NEGR1: variants seen among roughly 807,000 people sequenced by gnomAD.
NEGR1 encodes the protein IgLON family member 4.
NEGR1 carries 10 observed loss-of-function variants against 40.9 expected under a neutral mutation model. That is an observed-to-expected ratio of 0.24 (90% CI 0.15 to 0.42). The LOEUF (loss-of-function observed/expected upper bound fraction) is 0.42, where lower values mean the gene tolerates loss of function less well. Ranked by LOEUF, NEGR1 falls within the 10% of genes least tolerant of loss-of-function variation. The probability of loss-of-function intolerance (pLI) is 1.00; values close to 1 mark genes in which losing one functional copy is unlikely to be tolerated. For missense variants in NEGR1, 352 were observed against 438.9 expected, an observed-to-expected ratio of 0.80 and a Z score of 1.77; for synonymous variants, 185 against 166.8, an observed-to-expected ratio of 1.11 and a Z score of -0.84.
intron 3 of NEGR1, among the ~76,000 whole-genome samples, chr1:71,751,363 A>G (rs1271418636): frequency 2.0e-5 from 3 of 152,210 alleles, no homozygotes; most frequent in Non-Finnish European, 2.9e-5. Flanking sequence ...CTTCAAGAAA[A>G]GTATTTGACT....
At chr1:71,438,443 T>C (rs1477027994) in intron 6 of NEGR1, among the ~76,000 whole-genome samples, 1 of 152,206 alleles carries the variant, frequency 6.6e-6, no homozygotes, top group African/African-American at 2.4e-5. Flanking sequence ...CTCTGCATAA[T>C]AATAAGCTCT....
chr1:71,948,743 T>C (rs992813183), intron 1 of NEGR1, among the ~76,000 whole-genome samples: 10 of 152,076 alleles, frequency 6.6e-5, no homozygotes, highest in Non-Finnish European at 1.3e-4. Flanking sequence ...GCTGGACCTG[T>C]CATATCTCAC....
intron 2 of NEGR1, among the ~76,000 whole-genome samples, chr1:71,926,552 C>T (rs1645774869): frequency 6.6e-6 from 1 of 151,660 alleles, no homozygotes; most frequent in Non-Finnish European, 1.5e-5. Context: ...CAATAGTGCT[C>T]CTCCTTTCTG....
intron 1 of NEGR1, among the ~76,000 whole-genome samples, chr1:72,112,267 A>T (rs67474621): frequency 0.56 from 62,375 of 111,850 alleles, 14,211 homozygotes; most frequent in East Asian, 0.65. Flanking sequence ...TTTTACGTTT[A>T]AAAAAAAAAT....
At chr1:71,761,428 C>G (rs1285819642) in intron 3 of NEGR1, among the ~76,000 whole-genome samples, 1 of 152,136 alleles carries the variant, frequency 6.6e-6, no homozygotes, top group East Asian at 1.9e-4. Context: ...TCCGTTTATC[C>G]TGAAGTAAAT....
intron 6 of NEGR1, among the ~76,000 whole-genome samples, chr1:71,546,657 T>C (rs1647907290): frequency 6.6e-6 from 1 of 151,654 alleles, no homozygotes; most frequent in African/African-American, 2.4e-5. Flanking sequence ...ACTAGGCATA[T>C]GGAAACTGAG....
rs531277326 is a variant in NEGR1, at chr1:71,759,337, G to A, written c.535+16835C>T. ...TTTTGAGACATAGTCTCACTTTGTC[G>A]CCCAGGCTGGAGTGCAGTGGCACGA... On this transcript the variant is annotated intron_variant, in intron 3 of 6. Transcript: ENST00000357731. Among the ~76,000 whole-genome samples the A allele has an allele frequency of 4.8e-5, 5 of 104,850 alleles. No individual in the cohort carries two copies. The South Asian group carries it at 9.0e-4, about 19-fold the overall frequency. 68.8% of individuals were successfully genotyped at this position (104,850 alleles called of 152,430 possible).
intron 1 of NEGR1, among the ~76,000 whole-genome samples, chr1:72,067,897 G>A (rs1033548446): frequency 1.3e-5 from 2 of 152,030 alleles, no homozygotes; most frequent in Non-Finnish European, 1.5e-5. Flanking sequence ...TTTCCAACTG[G>A]AATGTACCAA....
chr1:71,984,737 A>T (rs1306731045), intron 1 of NEGR1, among the ~76,000 whole-genome samples: 1 of 152,158 alleles, frequency 6.6e-6, no homozygotes, highest in Non-Finnish European at 1.5e-5. Flanking sequence ...TAAATATCTT[A>T]ATATTATTTT....
At chr1:71,837,851 A>T (rs1246452098) in intron 2 of NEGR1, among the ~76,000 whole-genome samples, 6 of 152,142 alleles carry the variant, frequency 3.9e-5, no homozygotes, top group Admixed American at 3.9e-4. Flanking sequence ...ATACTAAAAT[A>T]TATAATCTAG....
intron 6 of NEGR1, among the ~76,000 whole-genome samples, chr1:71,579,490 G>GC (rs1649062357): frequency 6.6e-6 from 1 of 152,112 alleles, no homozygotes; most frequent in African/African-American, 2.4e-5. Context: ...TCCCAAGCAT[G>GC]CAGTCTACAA....
intron 1 of NEGR1, among the ~76,000 whole-genome samples, chr1:71,972,485 T>G (rs1448013664): frequency 2.0e-5 from 3 of 152,214 alleles, no homozygotes. Context: ...CATTTTATAT[T>G]ACCTTAGGAA....
intron 1 of NEGR1, among the ~76,000 whole-genome samples, chr1:72,193,904 C>A (rs749112839): frequency 1.3e-5 from 2 of 151,674 alleles, no homozygotes; most frequent in Non-Finnish European, 2.9e-5. Context: ...CAAGGTTTCA[C>A]ATTCATAGTA....
At position 71,584,158 on chromosome 1, in the gene NEGR1, C is replaced by T. The variant is rs1183189379; in HGVS notation, c.940+8659G>A. Among the ~76,000 whole-genome samples the T allele has an allele frequency of 2.6e-5, 4 of 152,200 alleles. No homozygotes were observed. The East Asian group carries it at 7.7e-4, about 29-fold the overall frequency. On this transcript the variant is annotated intron_variant, in intron 6 of 6. Coordinates refer to ENST00000357731, the MANE Select transcript of NEGR1 (RefSeq NM_173808.3). ...AATTTGTATCTCTGCAGAGAAATCC[C>T]AATTGAATTACATTTATAAAGAAAG...
At chr1:71,885,855 G>T (rs973043379) in intron 2 of NEGR1, among the ~76,000 whole-genome samples, 3 of 151,910 alleles carry the variant, frequency 2.0e-5, no homozygotes, top group Admixed American at 6.6e-5. Flanking sequence ...CAAAACAAAT[G>T]GCGTATTAAT....
chr1:72,034,077 T>C (rs1367475502), intron 1 of NEGR1, among the ~76,000 whole-genome samples: 2 of 152,238 alleles, frequency 1.3e-5, no homozygotes, highest in Admixed American at 6.5e-5. Flanking sequence ...CTGACTGTTT[T>C]CTTGTATTCT....
At chr1:71,793,121 GTAGAA>G (rs1355491161) in intron 2 of NEGR1, among the ~76,000 whole-genome samples, 1 of 145,604 alleles carries the variant, frequency 6.9e-6, no homozygotes, top group African/African-American at 2.5e-5. Flanking sequence ...TAAATGAAAA[GTAGAA>G]TAGAACTAGT....
intron 4 of NEGR1, among the ~76,000 whole-genome samples, chr1:71,693,410 T>A (rs1303413236): frequency 2.0e-5 from 3 of 151,684 alleles, no homozygotes; most frequent in Non-Finnish European, 4.4e-5. Flanking sequence ...CACCTTTTTA[T>A]GGACCAGGTA....
rs929155791 is a variant in NEGR1 at position 72,089,965 on chromosome 1, G to A, written c.177-154654C>T. 5.9e-5 allele frequency among the ~76,000 whole-genome samples: 9 copies of A among 152,118 alleles called. No homozygotes were observed. The South Asian group carries it at 1.5e-3, about 25-fold the overall frequency. On this transcript the variant is annotated intron_variant, in intron 1 of 6. Coordinates refer to ENST00000357731, the MANE Select transcript of NEGR1 (RefSeq NM_173808.3). The stretch of plus-strand genomic sequence containing the variant: ...TATGAGCCTTTTAATCATGTAAGTG[G>A]TCAAAATGGAAATAAAGATTGGAAG...
Sources: allele counts gnomAD v4.1 joint callset (sites outside exome capture counted in the v4.1 genomes callset), GRCh38; gene constraint gnomAD v4.1.1; transcripts MANE v1.5; gene names NCBI Gene and HGNC (gene_info 2026-07-23, HGNC 2026-07-21).